PTPRZ1: variants seen among roughly 807,000 people sequenced by gnomAD.
The protein encoded by PTPRZ1 is protein tyrosine phosphatase receptor type Z1, also known as receptor-type tyrosine-protein phosphatase zeta.
In PTPRZ1, 82 loss-of-function variants were observed where a neutral mutation model predicts 214.1. The observed-to-expected ratio is 0.38, with a 90% CI of 0.32 to 0.46. The LOEUF is 0.46. Ranked by LOEUF, PTPRZ1 falls within the 20% of genes least tolerant of loss-of-function variation. The pLI, the probability that PTPRZ1 is intolerant of heterozygous loss-of-function variation, is 1.00. For synonymous variants in PTPRZ1, 945 were observed against 987.9 expected (o/e 0.96, Z 0.81); for missense variants, 2,603 against 2,748.7 (o/e 0.95, Z 1.19).
chr7:121,907,051 T>G (rs1047748345), intron 1 of PTPRZ1, among the ~76,000 whole-genome samples: 11 of 152,158 alleles, frequency 7.2e-5, no homozygotes, highest in African/African-American at 2.7e-4. Flanking sequence ...TGTGTGAATA[T>G]TTTATCTCTA....
At chr7:121,967,006 A>G (rs1183035711) in intron 2 of PTPRZ1, 1 of 152,192 alleles carries the variant, frequency 6.6e-6, no homozygotes, top group Non-Finnish European at 1.5e-5. Flanking sequence ...CTAGCGTTTA[A>G]CCAGAGACTT....
At chr7:121,917,198 A>G (rs1467005468) in intron 1 of PTPRZ1, among the ~76,000 whole-genome samples, 2 of 152,222 alleles carry the variant, frequency 1.3e-5, no homozygotes, top group Non-Finnish European at 2.9e-5. Flanking sequence ...GTACCGATAA[A>G]GCAGTAGATG....
At position 122,034,315 on chromosome 7, in the gene PTPRZ1, A is replaced by G; in HGVS notation, c.5221A>G (p.Thr1741Ala). The G allele has an allele frequency of 1.2e-6, 2 of 1,613,546 alleles. No homozygotes were observed. Among genetic ancestry groups the G allele is most frequent in the Non-Finnish European group, 8.5e-7 (1 of 1,179,662 alleles). ...GAGCTGTACTGTTGACTTAGGTATTACAGCAGACAGCTCCAACCACCCAGA... is the reference window on the plus strand; with the variant it reads ...GAGCTGTACTGTTGACTTAGGTATTGCAGCAGACAGCTCCAACCACCCAGA... ...VQSCTVDLGITADSSNHPDNK... is the reference protein window; with the variant it reads ...VQSCTVDLGIAADSSNHPDNK... Residue 1741 changes from threonine to alanine, a missense_variant, in exon 17 of 30, where the codon ACA becomes GCA. Thr to Ala is a moderately conservative substitution (Grantham distance 58). This residue lies in a region of PTPRZ1 where 1,913 missense variants were observed against 1,914.3 expected (regional missense o/e 1.00). Transcript: ENST00000393386.
chr7:121,877,170 C>A (rs763714429), intron 1 of PTPRZ1, among the ~76,000 whole-genome samples: 6 of 152,166 alleles, frequency 3.9e-5, no homozygotes, highest in Non-Finnish European at 7.4e-5. Flanking sequence ...CCTCAAAACC[C>A]TTTGATATTG....
chr7:121,955,783 T>A (rs1217661933), intron 2 of PTPRZ1, among the ~76,000 whole-genome samples: 2 of 152,202 alleles, frequency 1.3e-5, no homozygotes. Context: ...TGAAGTGGTG[T>A]CTTGTCAGTG....
rs182150563 is a variant in PTPRZ1 at position 121,994,455 on chromosome 7, T to A, written c.929-1927T>A. Among the ~76,000 whole-genome samples, 172 of 152,002 alleles carry A rather than the reference T, an allele frequency of 1.1e-3. 2 individuals are homozygous for A. The highest frequency in any genetic ancestry group is 7.9e-3 in the Admixed American group (120 of 15,280). ...GATTACAGGCGCCCGCCACCACGCC[T>A]GGCTAATTTTTTGTATTTTTAGTAG... On this transcript the variant is annotated intron_variant, in intron 8 of 29. Transcript: ENST00000393386.
intron 4 of PTPRZ1, among the ~76,000 whole-genome samples, chr7:121,974,838 C>T (rs896293225): frequency 2.6e-5 from 4 of 152,074 alleles, no homozygotes; most frequent in African/African-American, 9.7e-5. Flanking sequence ...GCAGGAAACC[C>T]AAGGATCATC....
chr7:121,884,252 T>A (rs1024236058), intron 1 of PTPRZ1, among the ~76,000 whole-genome samples: 21 of 152,046 alleles, frequency 1.4e-4, no homozygotes, highest in African/African-American at 4.8e-4. Flanking sequence ...TTTATATATA[T>A]AAATACATTT....
At chr7:121,997,609 T>A (rs1798183095) in intron 9 of PTPRZ1, among the ~76,000 whole-genome samples, 1 of 151,806 alleles carries the variant, frequency 6.6e-6, no homozygotes, top group Non-Finnish European at 1.5e-5. Flanking sequence ...AATTTATGAA[T>A]TTGATGAGTT....
intron 1 of PTPRZ1, among the ~76,000 whole-genome samples, chr7:121,873,764 C>T (rs1033725834): frequency 6.6e-6 from 1 of 152,162 alleles, no homozygotes; most frequent in African/African-American, 2.4e-5. Flanking sequence ...CCCGCGCCCT[C>T]GCCCCTTCCA....
intron 3 of PTPRZ1, among the ~76,000 whole-genome samples, chr7:121,969,250 A>AAAACAAAC (rs564388497): frequency 1.6e-3 from 246 of 150,102 alleles, no homozygotes; most frequent in African/African-American, 5.9e-3. Flanking sequence ...AAATCAAATC[A>AAAACAAAC]AAACAAACAA....
rs561902029 is a variant in PTPRZ1, at chr7:121,991,548, A to G, written c.929-4834A>G. 3.9e-5 allele frequency among the ~76,000 whole-genome samples: 6 copies of G among 152,356 alleles called. No individual in the cohort carries two copies. The South Asian group carries it at 1.2e-3, about 32-fold the overall frequency. On this transcript the variant is annotated intron_variant, in intron 8 of 29. Coordinates refer to ENST00000393386, the MANE Select transcript of PTPRZ1 (RefSeq NM_002851.3). Reference sequence around the variant, plus strand: ...GAAAAAACGTCATAATGAATTATACATTAGTAGACTTACCTTCTTGAAGGT... The same window carrying G: ...GAAAAAACGTCATAATGAATTATACGTTAGTAGACTTACCTTCTTGAAGGT...
intron 2 of PTPRZ1, among the ~76,000 whole-genome samples, chr7:121,936,919 C>T (rs767134534): frequency 1.1e-4 from 17 of 152,152 alleles, no homozygotes; most frequent in Non-Finnish European, 2.4e-4. Context: ...CCTACATTTA[C>T]CACTTTGTCT....
At chr7:121,897,801 A>C (rs1794836699) in intron 1 of PTPRZ1, among the ~76,000 whole-genome samples, 1 of 152,200 alleles carries the variant, frequency 6.6e-6, no homozygotes, top group East Asian at 1.9e-4. Context: ...GTGATCAAGA[A>C]ACACTAAGTG....
At chr7:121,926,479 A>T (rs1795767906) in intron 1 of PTPRZ1, among the ~76,000 whole-genome samples, 1 of 152,140 alleles carries the variant, frequency 6.6e-6, no homozygotes, top group Non-Finnish European at 1.5e-5. Context: ...AAGGAGGATG[A>T]TGTATTGATA....
intron 1 of PTPRZ1, among the ~76,000 whole-genome samples, chr7:121,887,597 G>A (rs1022605678): frequency 2.0e-5 from 3 of 152,102 alleles, no homozygotes; most frequent in Non-Finnish European, 2.9e-5. Context: ...TTTTACTCAT[G>A]GCATTCAGAG....
At chr7:121,995,465 T>G (rs1220417261) in intron 8 of PTPRZ1, among the ~76,000 whole-genome samples, 3 of 152,204 alleles carry the variant, frequency 2.0e-5, no homozygotes, top group Non-Finnish European at 1.5e-5. Flanking sequence ...GTTTTTCTTT[T>G]CCAAATTAGT....
At chr7:121,882,913 A>G (rs1431597084) in intron 1 of PTPRZ1, among the ~76,000 whole-genome samples, 3 of 152,222 alleles carry the variant, frequency 2.0e-5, no homozygotes, top group Non-Finnish European at 4.4e-5. Context: ...ACATTGTGCC[A>G]TTCTCTGGAG....
At chr7:121,904,958 T>C (rs1205691994) in intron 1 of PTPRZ1, among the ~76,000 whole-genome samples, 3 of 152,180 alleles carry the variant, frequency 2.0e-5, no homozygotes, top group African/African-American at 4.8e-5. Flanking sequence ...TTGAGTTTGG[T>C]AGATTTAAAG....
Sources: allele counts gnomAD v4.1 joint callset (sites outside exome capture counted in the v4.1 genomes callset), GRCh38; gene constraint gnomAD v4.1.1; regional missense constraint gnomAD v4.1.1; transcripts MANE v1.5; gene names NCBI Gene and HGNC (gene_info 2026-07-23, HGNC 2026-07-21).